MYO15A: variants seen among roughly 807,000 people sequenced by gnomAD.
MYO15A encodes the protein unconventional myosin-XV.
In MYO15A, 308 loss-of-function variants were observed where a neutral mutation model predicts 394.6. The ratio of observed to expected loss-of-function variants is 0.78; its 90% CI spans 0.71 to 0.86. The LOEUF (loss-of-function observed/expected upper bound fraction) is 0.86. Ranked by LOEUF, MYO15A falls within the 40% of genes least tolerant of loss-of-function variation. The pLI is 0.00. For missense variants in MYO15A, 4,606 were observed against 4,799.1 expected, an observed-to-expected ratio of 0.96 and a Z score of 1.19; for synonymous variants, 1,957 against 2,003.8, an observed-to-expected ratio of 0.98 and a Z score of 0.62.
rs1001283727 is a variant in MYO15A, at chr17:18,133,120, G to A, written c.4321-105G>A. ...CCATGAGAGTGAAATGACAGCTTGA[G>A]TGACCAACTCAGGCCACCACACTAC... is the stretch of plus-strand genomic sequence containing the variant. On this transcript the variant is annotated intron_variant, in intron 11 of 65. Transcript: ENST00000647165. 7.5e-6 allele frequency: 9 copies of A among 1,207,792 alleles called. No individual in the cohort carries two copies. In the African/African-American group the frequency reaches 1.4e-4, roughly 18 times the overall value. The allele number at this position is 1,207,792 out of a possible 1,614,324, so 74.8% of individuals were successfully genotyped here.
chr17:18,119,170 G>T lies in MYO15A; in HGVS notation c.370G>T (p.Ala124Ser). The T allele has an allele frequency of 1.2e-6, 2 of 1,612,226 alleles. No individual in the cohort carries two copies. Among genetic ancestry groups the T allele is most frequent in the Non-Finnish European group, 1.7e-6 (2 of 1,179,770 alleles). The change falls in exon 2 of 66, where the codon GCC becomes TCC. Residue 124 changes from alanine (A) to serine (S), a missense_variant. Around this residue, in one of 2 missense-constraint regions of MYO15A, gnomAD observed 1,830 missense variants for 1,689.7 expected, o/e 1.08. Coordinates refer to ENST00000647165, the MANE Select transcript of MYO15A (RefSeq NM_016239.4). ...RRGYGRLRPR[A>S]RSLSKASTAI... ...TGGCTACGGCCGCCTGCGGCCGCGC[G>T]CCCGGTCACTCAGCAAAGCGTCCAC...
intron 1 of MYO15A, among the ~76,000 whole-genome samples, chr17:18,115,244 T>C (rs150677027): frequency 8.5e-5 from 13 of 152,212 alleles, no homozygotes; most frequent in Non-Finnish European, 1.6e-4. Flanking sequence ...AGGACCTCCA[T>C]AGAAGCTTCC....
chr17:18,145,972 A>T lies in MYO15A; in HGVS notation c.6374A>T (p.Asp2125Val). Residue 2125 changes from aspartate (D) to valine (V), a missense_variant, in exon 30 of 66, where the codon GAT (aspartate) becomes GTT (valine). Around this residue, in one of 2 missense-constraint regions of MYO15A, gnomAD observed 2,776 missense variants for 3,109.3 expected, o/e 0.89. Transcript: ENST00000647165. ...GGGCTGGCGGTGCCTGAGCTGCGGGATGAGATCCTGGCACAGCTGGCCAAT... is the reference window on the plus strand; with the variant it reads ...GGGCTGGCGGTGCCTGAGCTGCGGGTTGAGATCCTGGCACAGCTGGCCAAT... The part of the protein sequence containing the change: ...QKGLAVPELR[D>V]EILAQLANQV... 1 of 1,613,706 alleles carries T rather than the reference A, an allele frequency of 6.2e-7. No individual in the cohort carries two copies.
In MYO15A at chr17:18,119,254, G is replaced by A. The variant is rs1567618693; in HGVS notation, c.454G>A (p.Glu152Lys). 1.2e-6 allele frequency: 2 copies of A among 1,612,348 alleles called. No homozygotes were observed. Among genetic ancestry groups the A allele is most frequent in the South Asian group, 1.1e-5 (1 of 91,068 alleles). Residue 152 changes from glutamate (E) to lysine (K), a missense_variant, in exon 2 of 66, where the codon GAA becomes AAA. This residue lies in a region of MYO15A where 1,830 missense variants were observed against 1,689.7 expected (regional missense o/e 1.08). Coordinates refer to ENST00000647165, the MANE Select transcript of MYO15A (RefSeq NM_016239.4). ...LLKKAEESGS[E>K]QATVDAWLQR... The stretch of plus-strand genomic sequence containing the variant: ...CAAGAAGGCCGAGGAGTCGGGCAGC[G>A]AACAGGCCACAGTGGACGCCTGGCT...
chr17:18,132,353 T>C lies in MYO15A; in HGVS notation c.4207-100T>C. The C allele has an allele frequency of 1.1e-6, 1 of 900,528 alleles. No individual in the cohort carries two copies. The highest frequency in any genetic ancestry group is 1.8e-6 in the Non-Finnish European group (1 of 548,050). The allele number at this position is 900,528 out of a possible 1,614,324, so 55.8% of individuals were successfully genotyped here. A position where few individuals can be genotyped will look rare whatever the true frequency, so the allele number is the denominator to read the frequency against. On this transcript the variant is annotated intron_variant, in intron 10 of 65. Transcript: ENST00000647165. The surrounding 1 kb of genome is among the most constrained non-coding windows in gnomAD (Gnocchi z 4.6). Reference sequence around the variant, plus strand: ...GCGTGTTCTCATCTGCAGCCCACTGTGTGCATGTGCACTTGTGGGCAGGCT... The same window carrying C: ...GCGTGTTCTCATCTGCAGCCCACTGCGTGCATGTGCACTTGTGGGCAGGCT...
intron 7 of MYO15A, 74 bp downstream of exon 7, chr17:18,127,239 G>A: frequency 6.5e-7 from 1 of 1,546,518 alleles, no homozygotes; most frequent in Non-Finnish European, 8.8e-7. Flanking sequence ...CTCCCGAAGA[G>A]GCAAGGCTCC....
chr17:18,149,277 C>T lies in MYO15A; in HGVS notation c.7018C>T (p.His2340Tyr). ...DMSTRPQPQE[H>Y]MPKVLDSDGY... ...GTCCACTAGACCCCAGCCCCAGGAG[C>T]ACATGCCCAAAGTACTTGACTCTGA... The change falls in exon 34 of 66, where the codon CAC becomes TAC. Residue 2340 changes from histidine to tyrosine, a missense_variant. By Grantham distance (83) the His-to-Tyr change is moderately conservative (BLOSUM62 2). Around this residue, in one of 2 missense-constraint regions of MYO15A, gnomAD observed 2,776 missense variants for 3,109.3 expected, o/e 0.89. Transcript: ENST00000647165. The T allele has an allele frequency of 1.2e-6, 2 of 1,613,946 alleles. No individual in the cohort carries two copies. Among genetic ancestry groups the T allele is most frequent in the Non-Finnish European group, 1.7e-6 (2 of 1,179,956 alleles).
At position 18,119,686 on chromosome 17, in the gene MYO15A, G is replaced by A. The variant is rs755830662; in HGVS notation, c.886G>A (p.Gly296Ser). The A allele has an allele frequency of 2.5e-6, 4 of 1,608,608 alleles. No homozygotes were observed. The highest frequency in any genetic ancestry group is 3.3e-5 in the Admixed American group (2 of 60,012). ...PYDYYHPDYY[G>S]GPFDPGYTYG... The stretch of plus-strand genomic sequence containing the variant: ...CGACTACTACCACCCCGACTATTAC[G>A]GTGGCCCCTTTGATCCGGGGTACAC... Residue 296 changes from glycine to serine, a missense_variant, in exon 2 of 66, where the codon GGT becomes AGT. By Grantham distance (56) the Gly-to-Ser change is moderately conservative (BLOSUM62 0). Around this residue, in one of 2 missense-constraint regions of MYO15A, gnomAD observed 1,830 missense variants for 1,689.7 expected, o/e 1.08. Transcript: ENST00000647165.
chr17:18,112,854 TTA>T (rs57901273), intron 1 of MYO15A, among the ~76,000 whole-genome samples: 66,594 of 117,616 alleles, frequency 0.57, 15,917 homozygotes, highest in South Asian at 0.75. Flanking sequence ...TGTATTATTA[TTA>T]TTTTTTTTTG....
rs1491509420 is a variant in MYO15A, at chr17:18,116,931, AAG to A, written c.-219-1649_-219-1648del. The stretch of plus-strand genomic sequence containing the variant: ...CGAGACTCTGTCTCAAAAAAAAAAA[AAG>A]AAAGAAAGAAAGAACATTGCCCCTG... On this transcript the variant is annotated intron_variant, in intron 1 of 65. Coordinates refer to ENST00000647165, the MANE Select transcript of MYO15A (RefSeq NM_016239.4). Among the ~76,000 whole-genome samples the A allele has an allele frequency of 2.7e-3, 138 of 51,698 alleles. 1 individual carries two copies. The highest frequency in any genetic ancestry group is 0.014 in the East Asian group (10 of 740). 33.9% of individuals were successfully genotyped at this position (51,698 alleles called of 152,430 possible).
intron 45 of MYO15A, 94 bp downstream of exon 45, chr17:18,154,849 G>A: frequency 7.3e-7 from 1 of 1,376,196 alleles, no homozygotes; most frequent in South Asian, 1.2e-5. Context: ...ACAAGCCCAG[G>A]CCCACCATCT....
At position 18,122,414 on chromosome 17, in the gene MYO15A, G is replaced by A; in HGVS notation, c.3609+5G>A. The A allele has an allele frequency of 1.2e-6, 2 of 1,611,486 alleles. No homozygotes were observed. The highest frequency in any genetic ancestry group is 2.2e-5 in the South Asian group (2 of 90,822). On this transcript the variant is annotated splice_donor_5th_base_variant and intron_variant, in intron 2 of 65. Transcript: ENST00000647165. ...CCGCCAAGCTGGCGGAACAAGGTAT[G>A]GAGGCACAGATTACACGGAGGGTTT...
At chr17:18,136,929 C>A (rs1181971912) in intron 15 of MYO15A, among the ~76,000 whole-genome samples, 1 of 152,246 alleles carries the variant, frequency 6.6e-6, no homozygotes, top group African/African-American at 2.4e-5. Context: ...AAAGGACCAG[C>A]CAGGGCCCTG....
intron 57 of MYO15A, 57 bp from the exon 58 acceptor site, chr17:18,162,528 G>A (rs769096792): frequency 5.3e-5 from 81 of 1,519,656 alleles, no homozygotes; most frequent in Non-Finnish European, 7.2e-5. Flanking sequence ...CAAGAGGAGC[G>A]AGCCCCTTTC....
intron 1 of MYO15A, among the ~76,000 whole-genome samples, chr17:18,116,462 A>T (rs2045786087): frequency 6.6e-6 from 1 of 152,230 alleles, no homozygotes; most frequent in Admixed American, 6.5e-5. Flanking sequence ...TCATCTTTTG[A>T]GTCTGAGTTT....
In MYO15A at chr17:18,153,863, G is replaced by A; in HGVS notation, c.8055G>A (p.Gln2685=). Residue 2685 remains glutamine, a synonymous_variant, in exon 43 of 66, where the codon CAG becomes CAA. Coordinates refer to ENST00000647165, the MANE Select transcript of MYO15A (RefSeq NM_016239.4). The surrounding 1 kb of genome is among the most constrained non-coding windows in gnomAD (Gnocchi z 4.1). ...RLINPNFYGY[Q]DAPWKIFLRK... ...TCAATCCCAACTTCTACGGCTATCA[G>A]GACGCCCCCTGGAAGATCTTCCTGC... is the stretch of plus-strand genomic sequence containing the variant. 6.2e-7 allele frequency: 1 copy of A among 1,613,652 alleles called. No individual in the cohort carries two copies. Among genetic ancestry groups the A allele is most frequent in the Non-Finnish European group, 8.5e-7 (1 of 1,179,992 alleles).
At chr17:18,151,024 C>A in intron 38 of MYO15A, 86 bp from the exon 39 acceptor site, 1 of 1,607,480 alleles carries the variant, frequency 6.2e-7, no homozygotes, top group Non-Finnish European at 8.5e-7. Flanking sequence ...AGGAGCTCCA[C>A]AACCCATCTC....
rs369116650 is a variant in MYO15A at position 18,142,128 on chromosome 17, A to G, written c.5699A>G (p.His1900Arg). 4.6e-5 allele frequency: 75 copies of G among 1,613,798 alleles called. No individual in the cohort carries two copies. The highest frequency in any genetic ancestry group is 6.4e-5 in the Non-Finnish European group (75 of 1,180,032). Reference protein sequence around the residue: ...LYQLLESMREHVLNLAALTLQ... With the variant: ...LYQLLESMRERVLNLAALTLQ... ...CAGCTGCTGGAGAGTATGCGAGAGCATGTCCTGAATCTGGCAGCCCTCACT... is the reference window on the plus strand; with the variant it reads ...CAGCTGCTGGAGAGTATGCGAGAGCGTGTCCTGAATCTGGCAGCCCTCACT... Residue 1900 changes from histidine to arginine, a missense_variant, in exon 24 of 66, where the codon CAT (histidine) becomes CGT (arginine). By Grantham distance (29) the His-to-Arg change is conservative. Around this residue, in one of 2 missense-constraint regions of MYO15A, gnomAD observed 2,776 missense variants for 3,109.3 expected, o/e 0.89. Transcript: ENST00000647165.
intron 12 of MYO15A, among the ~76,000 whole-genome samples, chr17:18,133,974 A>T (rs966235586): frequency 2.1e-5 from 3 of 144,090 alleles, no homozygotes; most frequent in African/African-American, 7.8e-5. Context: ...TGTTTATTTT[A>T]TTTTATTTTA....
Sources: gnomAD v4.1 joint callset for allele counts (sites outside exome capture counted in the v4.1 genomes callset) on GRCh38, gnomAD v4.1.1 for gene constraint, gnomAD v4.1.1 regional missense constraint, Gnocchi (gnomAD v3.1) non-coding constraint, MANE v1.5 for transcripts, NCBI Gene and HGNC (gene_info 2026-07-23, HGNC 2026-07-21) for gene names.